The following SMPD3 variants were observed in gnomAD, a reference collection of about 807,000 sequenced individuals.
The protein encoded by SMPD3 is sphingomyelin phosphodiesterase 3, also known as nSMase-2.
Under a neutral mutation model 55.7 loss-of-function variants are expected in SMPD3, and 21 were observed. That is an observed-to-expected ratio of 0.38 (90% CI 0.27 to 0.54). The LOEUF (loss-of-function observed/expected upper bound fraction) is 0.54, where lower values mean the gene tolerates loss of function less well. SMPD3 is among the 20% of genes least tolerant of loss of function. The pLI is 0.80. For synonymous variants in SMPD3, 457 were observed against 404.3 expected, an observed-to-expected ratio of 1.13 and a Z score of -1.56; for missense variants, 842 against 899.6, an observed-to-expected ratio of 0.94 and a Z score of 0.82.
chr16:68,397,695 C>T (rs551641666), intron 1 of SMPD3, among the ~76,000 whole-genome samples: 8 of 152,194 alleles, frequency 5.3e-5, no homozygotes, highest in Admixed American at 1.3e-4. Flanking sequence ...GTTCTCTCTC[C>T]GGGAGGGCCT....
intron 2 of SMPD3, among the ~76,000 whole-genome samples, chr16:68,377,273 G>A (rs990518949): frequency 6.6e-6 from 1 of 152,194 alleles, no homozygotes; most frequent in African/African-American, 2.4e-5. Flanking sequence ...AGGAGAACTT[G>A]CCCTGGGACT....
chr16:68,444,299 G>A (rs901351870), intron 1 of SMPD3, among the ~76,000 whole-genome samples: 3 of 152,214 alleles, frequency 2.0e-5, no homozygotes, highest in African/African-American at 7.2e-5. Flanking sequence ...GCCCCAGGGA[G>A]CAGGAGGGTC....
intron 1 of SMPD3, among the ~76,000 whole-genome samples, chr16:68,436,113 T>C (rs892302713): frequency 1.3e-5 from 2 of 152,198 alleles, no homozygotes; most frequent in African/African-American, 4.8e-5. Context: ...CTAACCTCCA[T>C]GCTGCTCCAC....
At chr16:68,385,633 C>G (rs755620791) in intron 2 of SMPD3, among the ~76,000 whole-genome samples, 1 of 152,112 alleles carries the variant, frequency 6.6e-6, no homozygotes, top group Non-Finnish European at 1.5e-5. Flanking sequence ...ACCCTGACAA[C>G]GCTTAATTTG....
chr16:68,361,059 C>T lies in SMPD3; in HGVS notation c.*147G>A, dbSNP rs2089230957. 2 of 714,698 alleles carry T rather than the reference C, an allele frequency of 2.8e-6. No homozygotes were observed. Among genetic ancestry groups the T allele is most frequent in the South Asian group, 3.7e-5 (2 of 54,056 alleles). 44.3% of individuals were successfully genotyped at this position (714,698 alleles called of 1,614,324 possible). On this transcript the variant is annotated 3_prime_UTR_variant, in exon 9 of 9. Coordinates refer to ENST00000219334, the MANE Select transcript of SMPD3 (RefSeq NM_018667.4). Reference sequence around the variant, plus strand: ...TGAGGCCCAGAGGCGCAGAGCAGCGCAGCTTCCAGGTTCCCGGGCACTGAC... The same window carrying T: ...TGAGGCCCAGAGGCGCAGAGCAGCGTAGCTTCCAGGTTCCCGGGCACTGAC...
At chr16:68,433,991 C>T (rs1411340000) in intron 1 of SMPD3, among the ~76,000 whole-genome samples, 4 of 151,522 alleles carry the variant, frequency 2.6e-5, no homozygotes, top group African/African-American at 9.7e-5. Context: ...CATATGTTAA[C>T]ATTTTGGTCT....
At chr16:68,413,751 T>C (rs2090319486) in intron 1 of SMPD3, among the ~76,000 whole-genome samples, 1 of 152,180 alleles carries the variant, frequency 6.6e-6, no homozygotes, top group African/African-American at 2.4e-5. Flanking sequence ...TGTTTGTAGG[T>C]TCAAGGACAT....
intron 1 of SMPD3, among the ~76,000 whole-genome samples, chr16:68,397,454 C>T (rs903914449): frequency 1.3e-5 from 2 of 152,188 alleles, no homozygotes; most frequent in South Asian, 2.1e-4. Context: ...TGATGGGGAA[C>T]ACCCCGGTCA....
At chr16:68,445,232 A>G (rs537200979) in intron 1 of SMPD3, among the ~76,000 whole-genome samples, 9 of 152,248 alleles carry the variant, frequency 5.9e-5, no homozygotes, top group Non-Finnish European at 1.3e-4. Flanking sequence ...TAATTTAATA[A>G]TGACAGAAAG....
intron 2 of SMPD3, among the ~76,000 whole-genome samples, chr16:68,373,024 T>C (rs1186975922): frequency 6.6e-6 from 1 of 152,198 alleles, no homozygotes; most frequent in Non-Finnish European, 1.5e-5. Flanking sequence ...AGCCTGGTGC[T>C]TCCACTCCAC....
chr16:68,424,349 A>C lies in SMPD3; in HGVS notation c.-269+24004T>G, dbSNP rs145106177. Among the ~76,000 whole-genome samples the C allele has an allele frequency of 9.0e-4, 137 of 152,094 alleles. 2 individuals carry two copies. In the East Asian group the frequency reaches 0.012, roughly 13 times the overall value. On this transcript the variant is annotated intron_variant, in intron 1 of 8. Transcript: ENST00000219334. ...ACTTGCCCCTCCACAATGGGGCTGC[A>C]GGGGCCGTAGGGGGAATAAGCATCA...
At chr16:68,373,850 G>C (rs2151986980) in intron 2 of SMPD3, among the ~76,000 whole-genome samples, 1 of 152,188 alleles carries the variant, frequency 6.6e-6, no homozygotes, top group Admixed American at 6.5e-5. Flanking sequence ...CCCTCCCCTG[G>C]ACGCCCGCCT....
intron 1 of SMPD3, among the ~76,000 whole-genome samples, chr16:68,421,983 G>C (rs2090398730): frequency 1.3e-5 from 2 of 152,228 alleles, no homozygotes; most frequent in East Asian, 1.9e-4. Flanking sequence ...TAACGACAAG[G>C]ATCCTTTTGA....
chr16:68,429,545 AG>A (rs2090463780), intron 1 of SMPD3, among the ~76,000 whole-genome samples: 1 of 152,162 alleles, frequency 6.6e-6, no homozygotes, highest in South Asian at 2.1e-4. Flanking sequence ...GGCAGAAAAA[AG>A]GAGCTTGGGG....
intron 1 of SMPD3, among the ~76,000 whole-genome samples, chr16:68,435,897 A>C (rs555434097): frequency 6.6e-6 from 1 of 152,202 alleles, no homozygotes; most frequent in Non-Finnish European, 1.5e-5. Flanking sequence ...GGAGATCTAG[A>C]CCATTTCCAC....
chr16:68,376,831 C>A (rs1289382062), intron 2 of SMPD3, among the ~76,000 whole-genome samples: 1 of 152,242 alleles, frequency 6.6e-6, no homozygotes, highest in East Asian at 1.9e-4. Flanking sequence ...CTTCACCGGC[C>A]ACTGCTTAGC....
At chr16:68,392,037 G>A (rs1024766512) in intron 1 of SMPD3, among the ~76,000 whole-genome samples, 5 of 151,930 alleles carry the variant, frequency 3.3e-5, no homozygotes, top group Non-Finnish European at 7.4e-5. Flanking sequence ...GATTACAGGT[G>A]CCCACCATCA....
rs1013070329 is a variant in SMPD3, at chr16:68,358,461, G to T, written c.*2745C>A. ...TTTTTCTTCTAGGGAAGAACCGTCT[G>T]GATATATATTTGATAATGTTTTTAC... On this transcript the variant is annotated 3_prime_UTR_variant, in exon 9 of 9. Coordinates refer to ENST00000219334, the MANE Select transcript of SMPD3 (RefSeq NM_018667.4). 1.3e-5 allele frequency: 2 copies of T among 152,652 alleles called. No homozygotes were observed. The highest frequency in any genetic ancestry group is 2.9e-5 in the Non-Finnish European group (2 of 68,032). The allele number at this position is 152,652 out of a possible 1,614,324, so 9.5% of individuals were successfully genotyped here.
intron 1 of SMPD3, among the ~76,000 whole-genome samples, chr16:68,398,331 A>T (rs1387805451): frequency 6.6e-6 from 1 of 152,032 alleles, no homozygotes; most frequent in East Asian, 1.9e-4. Context: ...TTCCTTTTTC[A>T]CTTAGAATAG....
Sources: allele counts gnomAD v4.1 joint callset (sites outside exome capture counted in the v4.1 genomes callset), GRCh38; gene constraint gnomAD v4.1.1; transcripts MANE v1.5; gene names NCBI Gene and HGNC (gene_info 2026-07-23, HGNC 2026-07-21).